The following ARAF variants were observed in gnomAD, a reference collection of about 807,000 sequenced individuals.
ARAF encodes the protein serine/threonine-protein kinase A-Raf.
Under a neutral mutation model 48.0 loss-of-function variants are expected in ARAF, and 18 were observed. That is an observed-to-expected ratio of 0.37 (90% confidence interval 0.26 to 0.56). The LOEUF is 0.56. ARAF is among the 20% of genes least tolerant of loss of function. ARAF has a pLI of 0.77. For missense variants in ARAF, 389 were observed against 543.1 expected, an observed-to-expected ratio of 0.72 and a Z score of 2.82; for synonymous variants, 207 against 220.1, an observed-to-expected ratio of 0.94 and a Z score of 0.53.
At chrX:47,563,522 C>T (rs2057719511) in intron 3 of ARAF, among the ~76,000 whole-genome samples, 193 bp downstream of exon 3, 1 of 112,115 alleles carries the variant, frequency 8.9e-6, no homozygotes. Flanking sequence ...GTACCGAACC[C>T]AATTGCTATC....
At chrX:47,568,921 G>A (rs200237581) in intron 11 of ARAF, 27 bp downstream of exon 11, 2 of 1,199,413 alleles carry the variant, frequency 1.7e-6, no homozygotes, top group African/African-American at 1.8e-5. Context: ...GGGGAGGGGT[G>A]GGGGGAAAGG....
intron 15 of ARAF, 86 bp downstream of exon 15, chrX:47,571,098 G>T: frequency 1.9e-6 from 2 of 1,072,392 alleles, no homozygotes; most frequent in Non-Finnish European, 2.5e-6. Context: ...GAATATGAAA[G>T]CTCAGAGGTA....
Position 47,571,602 on chromosome X carries a change from C to T in ARAF, c.*145C>T. ...TGGGAGATGAGGGGGTCCCCATGTG[C>T]TTTTCCAGTTCTTCTGGAATTGGGG... is the stretch of plus-strand genomic sequence containing the variant. On this transcript the variant is annotated 3_prime_UTR_variant, in exon 16 of 16. Transcript: ENST00000377045. 1 of 858,008 alleles carries T rather than the reference C, an allele frequency of 1.2e-6. No homozygotes were observed. The highest frequency in any genetic ancestry group is 1.6e-6 in the Non-Finnish European group (1 of 642,059). The allele number at this position is 858,008 out of a possible 1,213,427, so 70.7% of individuals were successfully genotyped here.
rs1313544010 is a variant in ARAF at position 47,567,333 on chromosome X, G to A, written c.977G>A (p.Arg326Gln). Reference protein sequence around the residue: ...IGTGSFGTVFRGRWHGDVAVK... With the variant: ...IGTGSFGTVFQGRWHGDVAVK... The stretch of plus-strand genomic sequence containing the variant: ...ACGGGCTCGTTTGGCACCGTGTTTC[G>A]AGGGCGGTGGCATGGCGATGTGGCC... Residue 326 changes from arginine to glutamine, a missense_variant, in exon 10 of 16, where the codon CGA becomes CAA. Around this residue, in one of 4 missense-constraint regions of ARAF, gnomAD observed 170 missense variants for 281.4 expected, o/e 0.60. Transcript: ENST00000377045. The A allele has an allele frequency of 3.3e-6, 4 of 1,209,169 alleles. No individual in the cohort carries two copies. Among genetic ancestry groups the A allele is most frequent in the Non-Finnish European group, 4.5e-6 (4 of 894,928 alleles).
intron 15 of ARAF, 140 bp downstream of exon 15, chrX:47,571,152 A>G: frequency 1.0e-6 from 1 of 954,422 alleles, no homozygotes; most frequent in Non-Finnish European, 1.4e-6. Flanking sequence ...TTTCACCATG[A>G]GGCTGGGACT....
At position 47,566,743 on chromosome X, in the gene ARAF, T is replaced by TCAGCAC; in HGVS notation, c.665_670dup (p.Ser222_Thr223dup). ...ACGTCCACTCCCAACGTCCATATGG[T>TCAGCAC]CAGCACCACGGCCCCCATGGACTCC... On this transcript the variant is annotated inframe_insertion, in exon 7 of 16. Coordinates refer to ENST00000377045, the MANE Select transcript of ARAF (RefSeq NM_001654.5). 8.3e-7 allele frequency: 1 copy of TCAGCAC among 1,208,879 alleles called. No individual in the cohort carries two copies.
chrX:47,565,324 T>A lies in ARAF; in HGVS notation c.531T>A (p.Asn177Lys). The change falls in exon 6 of 16, where the codon AAT (asparagine) becomes AAA (lysine). Residue 177 changes from asparagine to lysine, a missense_variant. Asn to Lys is a moderately conservative substitution (Grantham distance 94, BLOSUM62 0). Transcript: ENST00000377045. The stretch of plus-strand genomic sequence containing the variant: ...AGGCTCCCTCGAACCGCCCCCTGAA[T>A]GAGTTGCTAACCCCCCAGGGTCCCA... ...QHEAPSNRPL[N>K]ELLTPQGPSP... is the part of the protein sequence containing the mutation. 1 of 1,211,725 alleles carries A rather than the reference T, an allele frequency of 8.3e-7. No homozygotes were observed. The highest frequency in any genetic ancestry group is 1.1e-6 in the Non-Finnish European group (1 of 895,331).
At chrX:47,562,597 GCA>G (rs774003798) in intron 1 of ARAF, among the ~76,000 whole-genome samples, 79 of 108,666 alleles carry the variant, frequency 7.3e-4, no homozygotes, top group African/African-American at 2.6e-3. Context: ...TTGGTCCCCA[GCA>G]CAGAGTCTTG....
intron 6 of ARAF, chrX:47,566,109 A>G (rs2057731555): frequency 8.9e-6 from 1 of 111,833 alleles, no homozygotes; most frequent in African/African-American, 3.2e-5. Flanking sequence ...ACAATATGGT[A>G]ATATGTATAT....
At chrX:47,569,854 G>A (rs1043352438) in intron 13 of ARAF, 39 bp from the exon 14 acceptor site, 1 of 1,193,106 alleles carries the variant, frequency 8.4e-7, no homozygotes, top group South Asian at 1.8e-5. Context: ...GCCATTTGCT[G>A]ACCTCCGTGG....
intron 6 of ARAF, among the ~76,000 whole-genome samples, chrX:47,566,320 T>C (rs939681659): frequency 8.9e-6 from 1 of 112,231 alleles, no homozygotes; most frequent in Non-Finnish European, 1.9e-5. Context: ...CTAGGAACAC[T>C]TTGTGTCTCC....
At chrX:47,570,232 C>A in intron 14 of ARAF, 1 of 423,129 alleles carries the variant, frequency 2.4e-6, no homozygotes, top group Non-Finnish European at 4.0e-6. Flanking sequence ...CCTCTTCTCA[C>A]ATCCACAGCC....
intron 15 of ARAF, 24 bp from the exon 16 acceptor site, chrX:47,571,299 C>T (rs1226560182): frequency 3.3e-6 from 4 of 1,200,499 alleles, no homozygotes; most frequent in South Asian, 3.7e-5. Context: ...CTGGACACCC[C>T]TCCTCACCCC....
Position 47,566,714 on chromosome X carries a change from C to T in ARAF, c.633C>T (p.Arg211=), listed in dbSNP as rs2147905595. ...CCAATGCCCCCCTACAGCGCATCCG[C>T]TCCACGTCCACTCCCAACGTCCATA... ...APANAPLQRI[R]STSTPNVHMV... Residue 211 remains arginine, a synonymous_variant, in exon 7 of 16, where the codon CGC becomes CGT. Transcript: ENST00000377045. 1 of 1,207,594 alleles carries T rather than the reference C, an allele frequency of 8.3e-7. No individual in the cohort carries two copies. The highest frequency in any genetic ancestry group is 1.1e-6 in the Non-Finnish European group (1 of 893,511).
chrX:47,564,528 C>T (rs2057723820), intron 3 of ARAF, among the ~76,000 whole-genome samples: 1 of 112,444 alleles, frequency 8.9e-6, no homozygotes, highest in African/African-American at 3.2e-5. Flanking sequence ...TGCTTCTCCC[C>T]TTCCGTTTCA....
At chrX:47,568,952 C>G in intron 11 of ARAF, 35 bp from the exon 12 acceptor site, 3 of 1,200,690 alleles carry the variant, frequency 2.5e-6, no homozygotes, top group Non-Finnish European at 3.4e-6. Context: ...TGAGGTAACC[C>G]CCAGCCAATC....
intron 3 of ARAF, among the ~76,000 whole-genome samples, chrX:47,563,951 T>C (rs1313811678): frequency 1.8e-5 from 2 of 112,070 alleles, no homozygotes; most frequent in Non-Finnish European, 3.8e-5. Context: ...GCGTAGACAG[T>C]GTGGATCTGC....
chrX:47,565,561 C>G, intron 6 of ARAF: 1 of 537,706 alleles, frequency 1.9e-6, no homozygotes, highest in Non-Finnish European at 2.8e-6. Context: ...GATGATGATA[C>G]TTTCTACCAT....
chrX:47,571,574 C>T lies in ARAF; in HGVS notation c.*117C>T, dbSNP rs755675686. On this transcript the variant is annotated 3_prime_UTR_variant, in exon 16 of 16. Transcript: ENST00000377045. Reference sequence around the variant, plus strand: ...CTGCCTCAGGATCCCCCATTCCCCACCCTGGGAGATGAGGGGGTCCCCATG... The same window carrying T: ...CTGCCTCAGGATCCCCCATTCCCCATCCTGGGAGATGAGGGGGTCCCCATG... 3.4e-3 allele frequency: 3,463 copies of T among 1,012,463 alleles called. 11 individuals are homozygous for T. Among genetic ancestry groups the T allele is most frequent in the Non-Finnish European group, 3.0e-3 (2,344 of 774,932 alleles). 83.4% of individuals were successfully genotyped at this position (1,012,463 alleles called of 1,213,427 possible). A position where few individuals can be genotyped will look rare whatever the true frequency, so the allele number is the denominator to read the frequency against.
Sources: gnomAD v4.1 joint callset for allele counts (sites outside exome capture counted in the v4.1 genomes callset) on GRCh38, gnomAD v4.1.1 for gene constraint, gnomAD v4.1.1 regional missense constraint, MANE v1.5 for transcripts, NCBI Gene and HGNC (gene_info 2026-07-23, HGNC 2026-07-21) for gene names.